The following SUGCT variants were observed in gnomAD, a reference collection of about 807,000 sequenced individuals.
The protein encoded by SUGCT is succinyl-CoA:glutarate-CoA transferase, also known as succinyl-CoA:glutarate CoA-transferase.
Under a neutral mutation model 55.0 loss-of-function variants are expected in SUGCT, and 41 were observed. The ratio of observed to expected loss-of-function variants is 0.74; its 90% CI spans 0.58 to 0.97. The LOEUF is 0.97. Ranked by LOEUF, SUGCT falls within the 50% of genes least tolerant of loss-of-function variation. SUGCT has a pLI of 0.00. For synonymous variants in SUGCT, 187 were observed against 200.4 expected, an observed-to-expected ratio of 0.93 and a Z score of 0.56; for missense variants, 568 against 547.8, an observed-to-expected ratio of 1.04 and a Z score of -0.37.
intron 12 of SUGCT, among the ~76,000 whole-genome samples, chr7:40,663,702 A>G (rs1801455963): frequency 6.6e-6 from 1 of 152,028 alleles, no homozygotes; most frequent in Non-Finnish European, 1.5e-5. Context: ...ATTTATCTGA[A>G]AATAAGCGTG....
At chr7:40,485,584 C>G (rs949821648) in intron 11 of SUGCT, among the ~76,000 whole-genome samples, 2 of 151,670 alleles carry the variant, frequency 1.3e-5, no homozygotes, top group African/African-American at 4.8e-5. Flanking sequence ...CACCACCATG[C>G]CTAGCTAATT....
chr7:40,274,610 A>G lies in SUGCT; in HGVS notation c.674A>G (p.Lys225Arg). ...ATGGCTGGATTGATACAAAAATACA[A>G]AACTGGGAAAGGACTGTTCATTGAT... ...AIMAGLIQKY[K>R]TGKGLFIDCN... The change falls in exon 8 of 14, where the codon AAA becomes AGA. Residue 225 changes from lysine (K) to arginine (R), a missense_variant. Coordinates refer to ENST00000335693, the MANE Select transcript of SUGCT (RefSeq NM_001193313.2). 6.2e-7 allele frequency: 1 copy of G among 1,613,800 alleles called. No individual in the cohort carries two copies.
At chr7:40,605,655 A>G (rs1798492805) in intron 12 of SUGCT, among the ~76,000 whole-genome samples, 1 of 152,218 alleles carries the variant, frequency 6.6e-6, no homozygotes, top group Non-Finnish European at 1.5e-5. Context: ...AGGAGAACTT[A>G]AAAAACACAC....
chr7:40,293,538 A>G (rs997706129), intron 8 of SUGCT, among the ~76,000 whole-genome samples: 1 of 152,206 alleles, frequency 6.6e-6, no homozygotes, highest in African/African-American at 2.4e-5. Context: ...GTATAAAAGT[A>G]CCAGTGAGCT....
chr7:40,136,374 A>G (rs1009200650), intron 1 of SUGCT, among the ~76,000 whole-genome samples: 4 of 152,134 alleles, frequency 2.6e-5, no homozygotes, highest in African/African-American at 9.7e-5. Context: ...TGTGATTTCC[A>G]TTCACCCTCT....
At chr7:40,365,240 T>G (rs1438992258) in intron 9 of SUGCT, among the ~76,000 whole-genome samples, 1 of 152,152 alleles carries the variant, frequency 6.6e-6, no homozygotes, top group Non-Finnish European at 1.5e-5. Context: ...TCTCAATAAA[T>G]TAGGTATTGA....
intron 12 of SUGCT, among the ~76,000 whole-genome samples, chr7:40,509,854 G>T (rs1487473097): frequency 6.6e-6 from 1 of 152,146 alleles, no homozygotes; most frequent in Non-Finnish European, 1.5e-5. Context: ...ATTCTGTCCA[G>T]GATTTAGAGC....
intron 9 of SUGCT, among the ~76,000 whole-genome samples, chr7:40,401,843 C>G (rs1009032560): frequency 6.6e-6 from 1 of 152,140 alleles, no homozygotes; most frequent in Non-Finnish European, 1.5e-5. Context: ...CAAGGAAAAG[C>G]CTTTTCCAAT....
chr7:40,471,628 AAAATTCAAAAC>A (rs2151471327), intron 11 of SUGCT, among the ~76,000 whole-genome samples: 1 of 152,182 alleles, frequency 6.6e-6, no homozygotes, highest in African/African-American at 2.4e-5. Context: ...TAACTTTCAC[AAAATTCAAAAC>A]ACCATTTCAA....
chr7:40,660,791 T>C lies in SUGCT; in HGVS notation c.1090-88643T>C, dbSNP rs117839738. ...CTCTGTTTACCTCACTTACTCTGAT[T>C]CTGCCTTTCCAAGAACTCTCCCACT... On this transcript the variant is annotated intron_variant, in intron 12 of 13. Coordinates refer to ENST00000335693, the MANE Select transcript of SUGCT (RefSeq NM_001193313.2). Among the ~76,000 whole-genome samples, 40 of 152,304 alleles carry C rather than the reference T, an allele frequency of 2.6e-4. No individual in the cohort carries two copies. In the East Asian group the frequency reaches 7.5e-3, roughly 29 times the overall value.
chr7:40,147,559 C>A (rs1179305563), intron 1 of SUGCT, among the ~76,000 whole-genome samples: 1 of 152,214 alleles, frequency 6.6e-6, no homozygotes, highest in East Asian at 1.9e-4. Flanking sequence ...GTCCCGACCA[C>A]CAAGGAAATA....
chr7:41,004,537 G>A, the SUGCT span, among the ~76,000 whole-genome samples: 1 of 152,208 alleles, frequency 6.6e-6, no homozygotes, highest in Non-Finnish European at 1.5e-5. Flanking sequence ...AGCATCATAT[G>A]CAGACATCTG....
chr7:40,686,389 A>G (rs185241999), intron 12 of SUGCT, among the ~76,000 whole-genome samples: 3,913 of 152,330 alleles, frequency 0.026, 69 homozygotes, highest in Non-Finnish European at 0.037. Context: ...AATTAAGTTT[A>G]TGTGTATATA....
chr7:40,639,011 G>C (rs900245284), intron 12 of SUGCT, among the ~76,000 whole-genome samples: 1 of 152,152 alleles, frequency 6.6e-6, no homozygotes, highest in Admixed American at 6.5e-5. Flanking sequence ...GAAATCTCAC[G>C]CTATTGAGAT....
chr7:40,764,380 C>T (rs1195326054), intron 13 of SUGCT, among the ~76,000 whole-genome samples: 1 of 152,044 alleles, frequency 6.6e-6, no homozygotes. Context: ...CTTTTTTAGC[C>T]ATCAGGACTG....
intron 9 of SUGCT, among the ~76,000 whole-genome samples, chr7:40,408,131 G>A (rs1315382721): frequency 1.3e-5 from 2 of 151,890 alleles, no homozygotes; most frequent in East Asian, 3.9e-4. Context: ...AAACTTGAAA[G>A]CAACATTAAT....
intron 9 of SUGCT, among the ~76,000 whole-genome samples, chr7:40,398,785 G>T (rs1254560457): frequency 2.6e-5 from 4 of 152,110 alleles, no homozygotes; most frequent in Non-Finnish European, 2.9e-5. Context: ...TTTTGGAGAA[G>T]AATTTTTGGA....
intron 12 of SUGCT, among the ~76,000 whole-genome samples, chr7:40,548,502 CT>C (rs1562853837): frequency 6.6e-6 from 1 of 152,022 alleles, no homozygotes; most frequent in Non-Finnish European, 1.5e-5. Flanking sequence ...CCAACTTTTT[CT>C]TTTTTTAGTA....
At chr7:40,222,185 T>C (rs1366159421) in intron 6 of SUGCT, among the ~76,000 whole-genome samples, 1 of 152,202 alleles carries the variant, frequency 6.6e-6, no homozygotes, top group African/African-American at 2.4e-5. Context: ...GATTCATCAG[T>C]GTAAAAAAGT....
Sources: allele counts gnomAD v4.1 joint callset (sites outside exome capture counted in the v4.1 genomes callset), GRCh38; gene constraint gnomAD v4.1.1; transcripts MANE v1.5; gene names NCBI Gene and HGNC (gene_info 2026-07-23, HGNC 2026-07-21).